Variants in CC2D2A observed in about 807,000 individuals in gnomAD.
The protein encoded by CC2D2A is coiled-coil and C2 domain containing 2A.
A neutral mutation model predicts 212.9 loss-of-function variants in CC2D2A; 155 were observed. That is an observed-to-expected ratio of 0.73 (90% CI 0.64 to 0.83). The LOEUF (loss-of-function observed/expected upper bound fraction) is 0.83, where lower values mean the gene tolerates loss of function less well. Among genes scored for constraint, CC2D2A ranks in the 40% least tolerant of loss-of-function variants. The pLI is 0.00. For missense variants in CC2D2A, 1,856 were observed against 1,956.2 expected, an observed-to-expected ratio of 0.95 and a Z score of 0.97; for synonymous variants, 667 against 686.5, an observed-to-expected ratio of 0.97 and a Z score of 0.44.
intron 33 of CC2D2A, among the ~76,000 whole-genome samples, chr4:15,590,841 A>G (rs532118703): frequency 2.6e-5 from 4 of 152,158 alleles, no homozygotes; most frequent in Non-Finnish European, 5.9e-5. Context: ...CGTTCATGCG[A>G]TTCTCCTACC....
At chr4:15,522,184 G>C (rs1228308547) in intron 11 of CC2D2A, among the ~76,000 whole-genome samples, 1 of 152,218 alleles carries the variant, frequency 6.6e-6, no homozygotes, top group African/African-American at 2.4e-5. Context: ...TTGGTTGACA[G>C]AGCGAGACCT....
Position 15,550,976 on chromosome 4 carries a change from AAGTG to A in CC2D2A, c.2335_2338del (p.Ser779GlufsTer14). ...TGACACTGGACCACGAGGGAGTTGG[AAGTG>A]GTATGGAAAGCTAATATCTTCAATG... On this transcript the variant is annotated frameshift_variant and splice_region_variant, in exon 18 of 37. Coordinates refer to ENST00000424120, the MANE Select transcript of CC2D2A (RefSeq NM_001378615.1). LOFTEE classifies it high-confidence loss of function. 2.5e-6 allele frequency: 4 copies of A among 1,591,528 alleles called. No individual in the cohort carries two copies. Among genetic ancestry groups the A allele is most frequent in the Non-Finnish European group, 3.4e-6 (4 of 1,162,630 alleles).
chr4:15,533,485 C>A, intron 14 of CC2D2A, 152 bp downstream of exon 14: 2 of 501,016 alleles, frequency 4.0e-6, no homozygotes, highest in Non-Finnish European at 6.9e-6. Context: ...CCTGAGCAGC[C>A]CCTCCCAAAT....
Position 15,559,277 on chromosome 4 carries a change from A to G in CC2D2A, c.2922+20A>G, listed in dbSNP as rs768708348. On this transcript the variant is annotated intron_variant, in intron 22 of 36. Transcript: ENST00000424120. ...CAGCAGGTAAGAAAAATCATATAAA[A>G]CTGTCTTCATAGGGAGAAAAGAGCC... 2.6e-5 allele frequency: 39 copies of G among 1,478,456 alleles called. No homozygotes were observed. The highest frequency in any genetic ancestry group is 1.7e-4 in the Middle Eastern group (1 of 5,866). 91.6% of individuals were successfully genotyped at this position (1,478,456 alleles called of 1,614,324 possible).
chr4:15,576,965 G>A (rs1239438970), intron 29 of CC2D2A, among the ~76,000 whole-genome samples: 1 of 152,176 alleles, frequency 6.6e-6, no homozygotes, highest in Non-Finnish European at 1.5e-5. Context: ...TGGTGGGTTG[G>A]GGCTGTCTCA....
At chr4:15,533,108 T>C (rs979611244) in intron 13 of CC2D2A, 85 bp from the exon 14 acceptor site, 1 of 1,102,922 alleles carries the variant, frequency 9.1e-7, no homozygotes, top group Non-Finnish European at 1.3e-6. Context: ...TCAAATTGAA[T>C]ATACAATCAC....
intron 11 of CC2D2A, chr4:15,519,445 T>C (rs771127972): frequency 2.3e-6 from 1 of 430,794 alleles, no homozygotes; most frequent in South Asian, 1.7e-5. Context: ...TCCAAACTGT[T>C]CCAGCCTCTG....
chr4:15,511,274 G>A lies in CC2D2A; in HGVS notation c.568G>A (p.Glu190Lys). 3.1e-6 allele frequency: 5 copies of A among 1,598,892 alleles called. No homozygotes were observed. The highest frequency in any genetic ancestry group is 4.3e-6 in the Non-Finnish European group (5 of 1,174,436). Reference protein sequence around the residue: ...QVPPGFPSAEEAYNFFTFNFD... With the variant: ...QVPPGFPSAEKAYNFFTFNFD... ...TCCACCTGGCTTCCCTTCTGCAGAA[G>A]AGGCCTATAACTTCTTTACTTTCAA... The change falls in exon 8 of 37, where the codon GAG (glutamate) becomes AAG (lysine). Residue 190 changes from glutamate (E) to lysine (K), a missense_variant. By Grantham distance (56) the Glu-to-Lys change is moderately conservative. Transcript: ENST00000424120.
chr4:15,504,720 A>T (rs1280100153), intron 6 of CC2D2A, among the ~76,000 whole-genome samples: 3 of 152,190 alleles, frequency 2.0e-5, no homozygotes, highest in Non-Finnish European at 4.4e-5. Flanking sequence ...TGTTCATAAT[A>T]TTCCATATTC....
chr4:15,486,904 ATTG>A (rs1474601011), intron 4 of CC2D2A, among the ~76,000 whole-genome samples: 3 of 151,604 alleles, frequency 2.0e-5, no homozygotes, highest in African/African-American at 4.8e-5. Flanking sequence ...CATTGACCCA[ATTG>A]TTGTTCTGGA....
intron 4 of CC2D2A, among the ~76,000 whole-genome samples, chr4:15,489,188 T>C (rs1246500756): frequency 6.6e-6 from 1 of 152,228 alleles, no homozygotes; most frequent in Non-Finnish European, 1.5e-5. Flanking sequence ...GAGTGAAATA[T>C]GATGCAAATG....
At chr4:15,551,572 C>T (rs1397118959) in intron 18 of CC2D2A, among the ~76,000 whole-genome samples, 2 of 152,022 alleles carry the variant, frequency 1.3e-5, no homozygotes, top group Non-Finnish European at 2.9e-5. Context: ...GGAACTAATC[C>T]TTTCTGTTTT....
intron 11 of CC2D2A, among the ~76,000 whole-genome samples, chr4:15,527,171 G>C (rs536646270): frequency 2.4e-4 from 36 of 152,262 alleles, no homozygotes; most frequent in Admixed American, 1.2e-3. Context: ...AAAAAGATTA[G>C]AACTACAACT....
intron 1 of CC2D2A, among the ~76,000 whole-genome samples, chr4:15,470,731 A>C (rs972902472): frequency 5.5e-5 from 7 of 126,922 alleles, no homozygotes; most frequent in East Asian, 2.4e-4. Flanking sequence ...ATATATATAT[A>C]TATCCTAGAG....
chr4:15,595,055 T>C (rs1327322707), intron 33 of CC2D2A, among the ~76,000 whole-genome samples: 3 of 152,152 alleles, frequency 2.0e-5, no homozygotes, highest in Non-Finnish European at 4.4e-5. Context: ...CCTCAAGTGA[T>C]CCTCCCGCTT....
At chr4:15,536,227 A>G (rs572729482) in intron 14 of CC2D2A, among the ~76,000 whole-genome samples, 7 of 140,620 alleles carry the variant, frequency 5.0e-5, no homozygotes, top group Admixed American at 3.8e-4. Context: ...CAAACACCGC[A>G]TGTTCTCACT....
intron 33 of CC2D2A, among the ~76,000 whole-genome samples, chr4:15,590,742 T>C (rs188609330): frequency 3.9e-5 from 6 of 152,312 alleles, no homozygotes; most frequent in Admixed American, 2.0e-4. Flanking sequence ...TTTTTTTAAT[T>C]ATTATTTTTC....
Position 15,537,965 on chromosome 4 carries a change from T to C in CC2D2A, c.1831T>C (p.Tyr611His), listed in dbSNP as rs1718224849. The C allele has an allele frequency of 2.5e-6, 4 of 1,610,384 alleles. No homozygotes were observed. Among genetic ancestry groups the C allele is most frequent in the East Asian group, 2.2e-5 (1 of 44,744 alleles). ...TCCCGGTGATGAGATTGCAGAGCCG[T>C]ATCCCGAGGAGGACCTTGTGAAGCC... ...EHPGDEIAEP[Y>H]PEEDLVKPSP... Residue 611 changes from tyrosine (Y) to histidine (H), a missense_variant, in exon 16 of 37, where the codon TAT becomes CAT. Transcript: ENST00000424120.
At chr4:15,486,130 T>C (rs139186126) in intron 4 of CC2D2A, among the ~76,000 whole-genome samples, 138 of 152,194 alleles carry the variant, frequency 9.1e-4, no homozygotes, top group African/African-American at 3.3e-3. Context: ...TTTTTTGTTG[T>C]TATGTCTTTG....
Sources: allele counts gnomAD v4.1 joint callset (sites outside exome capture counted in the v4.1 genomes callset), GRCh38; gene constraint gnomAD v4.1.1; transcripts MANE v1.5; gene names NCBI Gene and HGNC (gene_info 2026-07-23, HGNC 2026-07-21).